Variants in FREM1 observed in about 807,000 individuals in gnomAD.
FREM1 encodes the protein FRAS1 related extracellular matrix 1, also known as FRAS1-related extracellular matrix protein 1.
FREM1 carries 220 observed loss-of-function variants against 210.1 expected under a neutral mutation model. That is an observed-to-expected ratio of 1.05 (90% CI 0.94 to 1.17). The LOEUF is 1.17. Ranked by LOEUF, FREM1 falls within the 50% of genes most tolerant of loss-of-function variation. The probability of loss-of-function intolerance (pLI) is 0.00; values close to 1 mark genes in which losing one functional copy is unlikely to be tolerated. For synonymous variants in FREM1, 1,189 were observed against 980.2 expected, an observed-to-expected ratio of 1.21 and a Z score of -3.98; for missense variants, 3,454 against 2,675.5, an observed-to-expected ratio of 1.29 and a Z score of -6.42.
chr9:14,757,388 C>G (rs1220929011), intron 28 of FREM1, among the ~76,000 whole-genome samples: 1 of 152,142 alleles, frequency 6.6e-6, no homozygotes, highest in African/African-American at 2.4e-5. Context: ...AACCCCGTCT[C>G]TACCAAAAAC....
At chr9:14,737,654 T>C in intron 36 of FREM1, 59 bp from the exon 37 acceptor site, 1 of 1,309,690 alleles carries the variant, frequency 7.6e-7, no homozygotes, top group Non-Finnish European at 1.0e-6. Context: ...TTAGATATCA[T>C]ATCCAGCTGT....
chr9:14,797,069 G>C (rs937110484), intron 21 of FREM1, among the ~76,000 whole-genome samples: 1 of 152,154 alleles, frequency 6.6e-6, no homozygotes, highest in African/African-American at 2.4e-5. Flanking sequence ...ATTTCCCTCC[G>C]CCACGCTTAG....
chr9:14,869,814 C>G (rs947941407), intron 1 of FREM1, among the ~76,000 whole-genome samples: 9 of 152,152 alleles, frequency 5.9e-5, no homozygotes, highest in Non-Finnish European at 1.3e-4. Context: ...ATGCTTTTTT[C>G]TAAGTGAACA....
intron 21 of FREM1, among the ~76,000 whole-genome samples, chr9:14,794,914 T>C (rs1351847828): frequency 6.7e-6 from 1 of 148,918 alleles, no homozygotes; most frequent in African/African-American, 2.5e-5. Flanking sequence ...AGGAGAATGG[T>C]GTGAACCTGG....
At position 14,806,692 on chromosome 9, in the gene FREM1, A is replaced by G. The variant is rs747828295; in HGVS notation, c.3243T>C (p.Gly1081=). 1.9e-6 allele frequency: 3 copies of G among 1,601,576 alleles called. No individual in the cohort carries two copies. In the Admixed American group the frequency reaches 5.1e-5, roughly 27 times the overall value. Residue 1081 remains glycine (G), a synonymous_variant, in exon 18 of 37, where the codon GGT becomes GGC. Transcript: ENST00000380880. ...GYLENILPSV[G]FEKSNIGISI... ...TTATGCCAATATTGCTTTTTTCAAA[A>G]CCCACAGAAGGGAGTATATTTTCGA...
At chr9:14,818,182 A>G (rs1820646758) in intron 14 of FREM1, among the ~76,000 whole-genome samples, 2 of 152,272 alleles carry the variant, frequency 1.3e-5, no homozygotes, top group African/African-American at 4.8e-5. Flanking sequence ...ATGCTTGAAC[A>G]GATAGTTCTA....
chr9:14,799,865 T>C (rs1853189012), intron 20 of FREM1, among the ~76,000 whole-genome samples: 1 of 151,996 alleles, frequency 6.6e-6, no homozygotes, highest in African/African-American at 2.4e-5. Context: ...GTTACATATG[T>C]ATACATGTGC....
At chr9:14,846,432 A>T (rs1185531001) in intron 7 of FREM1, among the ~76,000 whole-genome samples, 1 of 152,122 alleles carries the variant, frequency 6.6e-6, no homozygotes, top group Non-Finnish European at 1.5e-5. Context: ...AACCTAGATG[A>T]CAGGTTGATA....
chr9:14,857,874 C>T lies in FREM1; in HGVS notation c.632-125G>A, dbSNP rs74468254. On this transcript the variant is annotated intron_variant, in intron 4 of 36. Transcript: ENST00000380880. ...TGCCTCAGGAACACTCATGTACCTT[C>T]CAATCATTCACTGAGTGGGTTGTCA... is the stretch of plus-strand genomic sequence containing the variant. 1,080 of 566,392 alleles carry T rather than the reference C, an allele frequency of 1.9e-3. 10 individuals carry two copies. Among genetic ancestry groups the T allele is most frequent in the African/African-American group, 0.018 (971 of 52,946 alleles). The allele number at this position is 566,392 out of a possible 1,614,324, so 35.1% of individuals were successfully genotyped here.
In FREM1 at chr9:14,761,879, T is replaced by C. The variant is rs7874339; in HGVS notation, c.5205-1978A>G. Among the ~76,000 whole-genome samples the C allele has an allele frequency of 7.7e-3, 1,174 of 152,344 alleles. 3 individuals carry two copies. Among genetic ancestry groups the C allele is most frequent in the Non-Finnish European group, 0.013 (859 of 68,022 alleles). On this transcript the variant is annotated intron_variant, in intron 27 of 36. Coordinates refer to ENST00000380880, the MANE Select transcript of FREM1 (RefSeq NM_001379081.2). ...ATTTTACATAATCATGGCCCCAAAG[T>C]GCAAGAGTAGTGATGCTGGCATCCC... is the stretch of plus-strand genomic sequence containing the variant.
chr9:14,829,595 T>C (rs1302243345), intron 10 of FREM1, among the ~76,000 whole-genome samples: 3 of 152,164 alleles, frequency 2.0e-5, no homozygotes, highest in Admixed American at 2.0e-4. Context: ...TCTCTTCTCA[T>C]CCACATGATG....
At chr9:14,763,982 C>A (rs1462022408) in intron 27 of FREM1, among the ~76,000 whole-genome samples, 1 of 152,166 alleles carries the variant, frequency 6.6e-6, no homozygotes, top group Non-Finnish European at 1.5e-5. Context: ...TTGGCTGTAT[C>A]CCCACATGTT....
intron 1 of FREM1, among the ~76,000 whole-genome samples, chr9:14,890,718 G>A (rs1294482161): frequency 6.6e-6 from 1 of 152,090 alleles, no homozygotes; most frequent in Non-Finnish European, 1.5e-5. Flanking sequence ...ATATCCCTTG[G>A]AAACCAGACG....
At chr9:14,800,943 A>G (rs1166697548) in intron 20 of FREM1, among the ~76,000 whole-genome samples, 1 of 152,054 alleles carries the variant, frequency 6.6e-6, no homozygotes, top group East Asian at 1.9e-4. Context: ...ATGATATATA[A>G]TGGGGTGTTT....
intron 20 of FREM1, among the ~76,000 whole-genome samples, chr9:14,800,564 G>A (rs947927398): frequency 4.6e-5 from 7 of 152,278 alleles, no homozygotes; most frequent in African/African-American, 1.4e-4. Context: ...TGTTTCAACT[G>A]TGGAAATTTT....
At chr9:14,866,702 T>C (rs758829794) in intron 2 of FREM1, among the ~76,000 whole-genome samples, 1 of 152,162 alleles carries the variant, frequency 6.6e-6, no homozygotes, top group Non-Finnish European at 1.5e-5. Flanking sequence ...TTTTTAAAAA[T>C]ATATTGATTG....
chr9:14,784,500 G>A lies in FREM1; in HGVS notation c.4312C>T (p.Arg1438Ter), dbSNP rs1563921179. 9.9e-6 allele frequency: 16 copies of A among 1,613,866 alleles called. No homozygotes were observed. The highest frequency in any genetic ancestry group is 1.3e-5 in the Non-Finnish European group (15 of 1,179,842). ...TGAACATATTCGATCTGGCCATATC[G>A]CGGAGGGGAGGTGATGACATAGAGC... ...ELLYVITSPP[R>*]YGQIEYVHYP... The change falls in exon 24 of 37, where the codon CGA becomes TGA. Residue 1438 changes from arginine to a stop codon, truncating the protein, a stop_gained. Coordinates refer to ENST00000380880, the MANE Select transcript of FREM1 (RefSeq NM_001379081.2). LOFTEE classifies it high-confidence loss of function.
chr9:14,859,281 G>C lies in FREM1; in HGVS notation c.533C>G (p.Ala178Gly), dbSNP rs201834847. The change falls in exon 4 of 37, where the codon GCG becomes GGG. Residue 178 changes from alanine (A) to glycine (G), a missense_variant. Transcript: ENST00000380880. ...GCCATGGGCTGGCAGCCGAGTTCTC[G>C]CAGTGTCCAGGCTGACGGTACATTC... ...SLECTVSLDT[A>G]RTRLPAHGQM... 1.2e-6 allele frequency: 2 copies of C among 1,613,702 alleles called. No homozygotes were observed. The highest frequency in any genetic ancestry group is 1.7e-6 in the Non-Finnish European group (2 of 1,179,766).
intron 13 of FREM1, among the ~76,000 whole-genome samples, chr9:14,821,735 T>C (rs1467112584): frequency 6.6e-6 from 1 of 151,910 alleles, no homozygotes; most frequent in Non-Finnish European, 1.5e-5. Flanking sequence ...GTGTGGTGAG[T>C]TGGATGGGGG....
Sources: gnomAD v4.1 joint callset for allele counts (sites outside exome capture counted in the v4.1 genomes callset) on GRCh38, gnomAD v4.1.1 for gene constraint, MANE v1.5 for transcripts, NCBI Gene and HGNC (gene_info 2026-07-23, HGNC 2026-07-21) for gene names.